Variants in SRRM3 observed in about 807,000 individuals in gnomAD.
The protein encoded by SRRM3 is serine/arginine repetitive matrix protein 3.
SRRM3 carries 27 observed loss-of-function variants against 66.2 expected under a neutral mutation model. The observed-to-expected ratio is 0.41, with a 90% CI of 0.30 to 0.56. The LOEUF (loss-of-function observed/expected upper bound fraction) is 0.56. SRRM3 is among the 20% of genes least tolerant of loss of function. The pLI is 0.32. For synonymous variants in SRRM3, 391 were observed against 414.9 expected, an observed-to-expected ratio of 0.94 and a Z score of 0.70; for missense variants, 918 against 991.9, an observed-to-expected ratio of 0.93 and a Z score of 1.00.
intron 1 of SRRM3, among the ~76,000 whole-genome samples, chr7:76,233,284 G>A (rs1281012503): frequency 6.6e-6 from 1 of 152,184 alleles, no homozygotes; most frequent in Non-Finnish European, 1.5e-5. Context: ...CTGCACTCCA[G>A]CCTGGGTGAT....
chr7:76,284,875 C>T (rs1372423130), intron 14 of SRRM3, among the ~76,000 whole-genome samples: 4 of 152,170 alleles, frequency 2.6e-5, no homozygotes, highest in Non-Finnish European at 4.4e-5. Context: ...GGGACTGGAC[C>T]GGACCGTGGG....
At chr7:76,284,248 C>G (rs979698941) in intron 14 of SRRM3, among the ~76,000 whole-genome samples, 1 of 151,068 alleles carries the variant, frequency 6.6e-6, no homozygotes, top group Admixed American at 6.6e-5. Context: ...AATCTCGGCT[C>G]ACTGCAACCT....
rs781832146 is a variant in SRRM3 at position 76,235,087 on chromosome 7, C to T, written c.21C>T (p.Asn7=). The change falls in exon 2 of 15, where the codon AAC becomes AAT. Residue 7 remains asparagine (N), a synonymous_variant. Transcript: ENST00000611745. ...CCACGATGTCCTCCACCGTGAACAACGGGGCGGCCAGCATGCAGTCCACAC... is the reference window on the plus strand; with the variant it reads ...CCACGATGTCCTCCACCGTGAACAATGGGGCGGCCAGCATGCAGTCCACAC... MSSTVN[N]GAASMQSTPD... is the part of the protein sequence containing the mutation. The T allele has an allele frequency of 7.6e-6, 12 of 1,582,720 alleles. No individual in the cohort carries two copies. Among genetic ancestry groups the T allele is most frequent in the African/African-American group, 4.1e-5 (3 of 73,876 alleles).
chr7:76,238,272 G>A (rs1312985489), intron 2 of SRRM3, among the ~76,000 whole-genome samples: 1 of 152,174 alleles, frequency 6.6e-6, no homozygotes, highest in African/African-American at 2.4e-5. Context: ...CCAGCCCCCA[G>A]CCAGTCCTCA....
intron 2 of SRRM3, among the ~76,000 whole-genome samples, chr7:76,240,085 G>A (rs975577514): frequency 6.6e-6 from 1 of 152,092 alleles, no homozygotes; most frequent in African/African-American, 2.4e-5. Context: ...AGAATCGCTT[G>A]AACCCAGGAG....
Position 76,222,403 on chromosome 7 carries a change from C to A in SRRM3, c.-39-12625C>A, listed in dbSNP as rs569264697. On this transcript the variant is annotated intron_variant, in intron 1 of 14. Coordinates refer to ENST00000611745, the MANE Select transcript of SRRM3 (RefSeq NM_001110199.3). ...CACTCCAGCCTGGGTGATAGGAGAC[C>A]CCGTCTCAAAAAAAAAAAAAAAAAA... is the stretch of plus-strand genomic sequence containing the variant. Among the ~76,000 whole-genome samples, 3 of 141,110 alleles carry A rather than the reference C, an allele frequency of 2.1e-5. No individual in the cohort carries two copies. The South Asian group carries it at 7.3e-4, about 34-fold the overall frequency. The allele number at this position is 141,110 out of a possible 152,430, so 92.6% of individuals were successfully genotyped here.
intron 1 of SRRM3, among the ~76,000 whole-genome samples, chr7:76,225,102 TC>T (rs1247914973): frequency 2.0e-5 from 3 of 152,230 alleles, no homozygotes; most frequent in South Asian, 4.1e-4. Flanking sequence ...CCTGACCGAA[TC>T]CCAACACTCC....
chr7:76,283,069 G>T lies in SRRM3; in HGVS notation c.1701G>T (p.Ser567=). ...CCATCCGCAAGCGGCGCCGGGACTC[G>T]CCAAGCTTCATGGAGCCGCGGCGCA... The part of the protein sequence containing the change: ...YSPIRKRRRD[S]PSFMEPRRIT... Residue 567 remains serine, a synonymous_variant, in exon 14 of 15, where the codon TCG becomes TCT. Transcript: ENST00000611745. 1 of 1,477,950 alleles carries T rather than the reference G, an allele frequency of 6.8e-7. No homozygotes were observed. Among genetic ancestry groups the T allele is most frequent in the South Asian group, 1.3e-5 (1 of 74,654 alleles). The allele number at this position is 1,477,950 out of a possible 1,614,324, so 91.6% of individuals were successfully genotyped here. A position where few individuals can be genotyped will look rare whatever the true frequency, so the allele number is the denominator to read the frequency against.
intron 3 of SRRM3, among the ~76,000 whole-genome samples, chr7:76,252,857 A>G (rs1801612714): frequency 6.6e-6 from 1 of 152,138 alleles, no homozygotes; most frequent in African/African-American, 2.4e-5. Flanking sequence ...TGAACTATGA[A>G]GCACTCTTTA....
At chr7:76,227,279 A>G (rs1389448007) in intron 1 of SRRM3, among the ~76,000 whole-genome samples, 1 of 152,176 alleles carries the variant, frequency 6.6e-6, no homozygotes, top group African/African-American at 2.4e-5. Context: ...AGACCAGAAC[A>G]AGTTAGAGTT....
At chr7:76,244,590 C>T (rs1429954736) in intron 2 of SRRM3, among the ~76,000 whole-genome samples, 6 of 151,904 alleles carry the variant, frequency 3.9e-5, no homozygotes, top group African/African-American at 1.5e-4. Context: ...CCAACCAGAC[C>T]TCCTGACTCA....
At position 76,265,456 on chromosome 7, in the gene SRRM3, G is replaced by T. The variant is rs571551101; in HGVS notation, c.818G>T (p.Arg273Ile). ...CTCTCCTCCCACTACAGTGATTCCA[G>T]ATCTCCCAGCAGGTAGGCCTGGGCC... ...PSLSSHYSDS[R>I]SPSRLSPKHR... Residue 273 changes from arginine to isoleucine, a missense_variant, in exon 10 of 15, where the codon AGA (arginine) becomes ATA (isoleucine). Arg to Ile is a moderately conservative substitution (Grantham distance 97). Transcript: ENST00000611745. 1.2e-6 allele frequency: 2 copies of T among 1,602,286 alleles called. No homozygotes were observed. Among genetic ancestry groups the T allele is most frequent in the South Asian group, 2.3e-5 (2 of 88,502 alleles).
chr7:76,282,833 GC>G lies in SRRM3; in HGVS notation c.1560del (p.Ser521AlafsTer78). ...CGCTCTGCGGAGAAGCGGCCCCACA[GC>G]CCCAGCCGCTCGCCGTCGCCCAAGA... ...RSRSAEKRPH[S>X]PSRSPSPKKP... On this transcript the variant is annotated frameshift_variant, in exon 13 of 15. Coordinates refer to ENST00000611745, the MANE Select transcript of SRRM3 (RefSeq NM_001110199.3). LOFTEE classifies it high-confidence loss of function. The G allele has an allele frequency of 6.9e-7, 1 of 1,456,534 alleles. No homozygotes were observed. The highest frequency in any genetic ancestry group is 9.0e-7 in the Non-Finnish European group (1 of 1,109,318). 90.2% of individuals were successfully genotyped at this position (1,456,534 alleles called of 1,614,324 possible).
At chr7:76,272,029 A>G (rs1236967014) in intron 11 of SRRM3, among the ~76,000 whole-genome samples, 5 of 152,180 alleles carry the variant, frequency 3.3e-5, no homozygotes, top group African/African-American at 1.2e-4. Flanking sequence ...AAGGTCACAC[A>G]ATGTAGGATG....
At chr7:76,202,902 G>A (rs1402778842) in intron 1 of SRRM3, among the ~76,000 whole-genome samples, 1 of 152,190 alleles carries the variant, frequency 6.6e-6, no homozygotes, top group East Asian at 1.9e-4. Context: ...GTGGGAGGAA[G>A]GGAAGGTTGT....
chr7:76,232,575 A>T (rs1801042105), intron 1 of SRRM3, among the ~76,000 whole-genome samples: 1 of 151,700 alleles, frequency 6.6e-6, no homozygotes, highest in South Asian at 2.1e-4. Context: ...CCTTCTCCAA[A>T]AAAAAAAAGA....
chr7:76,234,737 G>A (rs1411724444), intron 1 of SRRM3, among the ~76,000 whole-genome samples: 8 of 152,084 alleles, frequency 5.3e-5, no homozygotes, highest in Non-Finnish European at 1.0e-4. Context: ...GATGGTCCTC[G>A]GTAGTTCCTG....
intron 1 of SRRM3, among the ~76,000 whole-genome samples, chr7:76,207,394 A>G (rs1800328022): frequency 6.6e-6 from 1 of 152,224 alleles, no homozygotes; most frequent in African/African-American, 2.4e-5. Flanking sequence ...AGGAGAAAAT[A>G]GAAACTATCA....
chr7:76,278,439 G>T (rs539759611), intron 11 of SRRM3, among the ~76,000 whole-genome samples: 1 of 152,128 alleles, frequency 6.6e-6, no homozygotes, highest in Non-Finnish European at 1.5e-5. Flanking sequence ...GTGAGCTGAG[G>T]TCGTGCCACT....
Sources: allele counts gnomAD v4.1 joint callset (sites outside exome capture counted in the v4.1 genomes callset), GRCh38; gene constraint gnomAD v4.1.1; transcripts MANE v1.5; gene names NCBI Gene and HGNC (gene_info 2026-07-23, HGNC 2026-07-21).